The following COL14A1 variants were observed in gnomAD, a reference collection of about 807,000 sequenced individuals.
COL14A1 encodes collagen type XIV alpha 1 chain.
Under a neutral mutation model 230.3 loss-of-function variants are expected in COL14A1, and 136 were observed. That is an observed-to-expected ratio of 0.59 (90% confidence interval 0.51 to 0.68). The LOEUF is 0.68. Among genes scored for constraint, COL14A1 ranks in the 30% least tolerant of loss-of-function variants. The pLI, the probability that COL14A1 is intolerant of heterozygous loss-of-function variation, is 0.00. For synonymous variants in COL14A1, 792 were observed against 784.1 expected, an observed-to-expected ratio of 1.01 and a Z score of -0.17; for missense variants, 1,976 against 2,215.8, an observed-to-expected ratio of 0.89 and a Z score of 2.17.
At chr8:120,326,357 TC>T (rs1821668758) in intron 40 of COL14A1, among the ~76,000 whole-genome samples, 1 of 152,226 alleles carries the variant, frequency 6.6e-6, no homozygotes, top group Non-Finnish European at 1.5e-5. Context: ...TGTTTGACTA[TC>T]CTCAAAACTG....
intron 22 of COL14A1, among the ~76,000 whole-genome samples, chr8:120,252,275 T>C (rs761135290): frequency 1.3e-5 from 2 of 152,196 alleles, no homozygotes. Flanking sequence ...TCTGAGATTT[T>C]AGTGCACCCG....
intron 1 of COL14A1, among the ~76,000 whole-genome samples, chr8:120,141,066 A>G (rs972444358): frequency 2.0e-5 from 3 of 152,212 alleles, no homozygotes; most frequent in Non-Finnish European, 4.4e-5. Context: ...GTTTTAACAA[A>G]TTAGGTTTGA....
At chr8:120,339,863 C>A (rs921278524) in intron 42 of COL14A1, among the ~76,000 whole-genome samples, 4 of 151,920 alleles carry the variant, frequency 2.6e-5, no homozygotes, top group Admixed American at 1.3e-4. Context: ...CATGGTGAAA[C>A]CCCGTCTCTA....
chr8:120,261,418 G>T (rs1185264298), intron 23 of COL14A1, among the ~76,000 whole-genome samples: 1 of 152,154 alleles, frequency 6.6e-6, no homozygotes, highest in Non-Finnish European at 1.5e-5. Context: ...CTCATTAAAT[G>T]TTGGCTATTA....
rs1160106617 is a variant in COL14A1 at position 120,125,265 on chromosome 8, C to G, written c.-113C>G. On this transcript the variant is annotated 5_prime_UTR_variant, in exon 1 of 48. Transcript: ENST00000297848. ...AGCAAGGGCGGTGCGCCGCCAAGGACCAACTAGCGGCGGAGCTTCGATCTT... is the reference window on the plus strand; with the variant it reads ...AGCAAGGGCGGTGCGCCGCCAAGGAGCAACTAGCGGCGGAGCTTCGATCTT... 6.6e-6 allele frequency: 1 copy of G among 152,394 alleles called. No individual in the cohort carries two copies. The highest frequency in any genetic ancestry group is 1.9e-4 in the East Asian group (1 of 5,178). 9.4% of individuals were successfully genotyped at this position (152,394 alleles called of 1,614,324 possible).
chr8:120,280,635 T>G, intron 29 of COL14A1, 76 bp from the exon 30 acceptor site: 1 of 1,357,348 alleles, frequency 7.4e-7, no homozygotes, highest in Non-Finnish European at 1.0e-6. Context: ...ATTAGTTTCC[T>G]GTTCTCAGGA....
At position 120,340,037 on chromosome 8, in the gene COL14A1, CAAA is replaced by C. The variant is rs530829054; in HGVS notation, c.4786-1269_4786-1267del. On this transcript the variant is annotated intron_variant, in intron 42 of 47. Transcript: ENST00000297848. Reference sequence around the variant, plus strand: ...TGGGAGATAGAGGGAGACTGCGTCTCAAAAAAAAAAAAAAAAAAAAAGTGTGTG... The same window carrying C: ...TGGGAGATAGAGGGAGACTGCGTCTCAAAAAAAAAAAAAAAAAAGTGTGTG... Among the ~76,000 whole-genome samples the C allele has an allele frequency of 4.6e-3, 357 of 77,704 alleles. 3 individuals carry two copies. The highest frequency in any genetic ancestry group is 0.016 in the African/African-American group (324 of 20,166). 51.0% of individuals were successfully genotyped at this position (77,704 alleles called of 152,430 possible).
intron 2 of COL14A1, among the ~76,000 whole-genome samples, chr8:120,149,799 A>G (rs984302920): frequency 2.6e-5 from 4 of 151,808 alleles, no homozygotes; most frequent in Middle Eastern, 3.4e-3. Flanking sequence ...CGTTCAAGCA[A>G]TTCTCCTGCC....
intron 8 of COL14A1, among the ~76,000 whole-genome samples, chr8:120,203,180 A>G (rs1817312466): frequency 6.6e-6 from 1 of 151,838 alleles, no homozygotes; most frequent in Admixed American, 6.6e-5. Flanking sequence ...GTTATGATGT[A>G]TTGAGTAAAA....
At chr8:120,349,201 A>G (rs1822653626) in intron 45 of COL14A1, among the ~76,000 whole-genome samples, 1 of 151,718 alleles carries the variant, frequency 6.6e-6, no homozygotes, top group African/African-American at 2.4e-5. Context: ...AAAACTAACA[A>G]ACAGAAAGGA....
At chr8:120,315,366 AT>A in intron 38 of COL14A1, among the ~76,000 whole-genome samples, 166 bp from the exon 39 acceptor site, 1 of 106,258 alleles carries the variant, frequency 9.4e-6, no homozygotes, top group Non-Finnish European at 1.8e-5. Context: ...GCAAGACTCC[AT>A]TTAAAAAAAA....
At chr8:120,316,077 T>C (rs906847191) in intron 40 of COL14A1, 80 bp downstream of exon 40, 2 of 1,430,954 alleles carry the variant, frequency 1.4e-6, no homozygotes, top group East Asian at 4.6e-5. Context: ...CAGGCTTCTA[T>C]GTAAGGGAGT....
chr8:120,333,667 C>T (rs906714758), intron 42 of COL14A1, among the ~76,000 whole-genome samples: 5 of 152,110 alleles, frequency 3.3e-5, no homozygotes, highest in Non-Finnish European at 7.4e-5. Context: ...CTTACAGTTC[C>T]GCAGGTCAGA....
intron 1 of COL14A1, among the ~76,000 whole-genome samples, chr8:120,129,106 C>T (rs1301238668): frequency 6.6e-6 from 1 of 152,184 alleles, no homozygotes; most frequent in African/African-American, 2.4e-5. Context: ...CTGCCATGTG[C>T]TGGCACTGTG....
Position 120,307,006 on chromosome 8 carries a change from G to A in COL14A1, c.4402-3003G>A, listed in dbSNP as rs112406768. ...AGTAGTGTAAACTATGAGGACAATA[G>A]GACATTTATTGTTTGCTCAATAGAA... On this transcript the variant is annotated intron_variant, in intron 36 of 47. Transcript: ENST00000297848. Among the ~76,000 whole-genome samples the A allele has an allele frequency of 3.8e-3, 580 of 152,264 alleles. 3 individuals carry two copies. Among genetic ancestry groups the A allele is most frequent in the African/African-American group, 0.013 (529 of 41,546 alleles).
At chr8:120,174,184 G>T (rs12543951) in intron 5 of COL14A1, among the ~76,000 whole-genome samples, 2 of 151,284 alleles carry the variant, frequency 1.3e-5, no homozygotes, top group Non-Finnish European at 2.9e-5. Flanking sequence ...TCCTTTGTAT[G>T]TTTTCTTTTT....
chr8:120,337,158 A>C (rs1822106653), intron 42 of COL14A1, among the ~76,000 whole-genome samples: 1 of 152,190 alleles, frequency 6.6e-6, no homozygotes, highest in East Asian at 1.9e-4. Context: ...TGGGAGGCCA[A>C]GGCAGGTGAA....
chr8:120,139,452 G>C (rs939508519), intron 1 of COL14A1, among the ~76,000 whole-genome samples: 1 of 152,092 alleles, frequency 6.6e-6, no homozygotes, highest in African/African-American at 2.4e-5. Context: ...AGTCTAAACT[G>C]GTTCACTCTT....
intron 23 of COL14A1, among the ~76,000 whole-genome samples, chr8:120,261,868 T>C (rs1819338200): frequency 6.6e-6 from 1 of 152,128 alleles, no homozygotes; most frequent in African/African-American, 2.4e-5. Flanking sequence ...GGAATGTCTT[T>C]TGCAATTGAA....
Sources: gnomAD v4.1 joint callset for allele counts (sites outside exome capture counted in the v4.1 genomes callset) on GRCh38, gnomAD v4.1.1 for gene constraint, MANE v1.5 for transcripts, NCBI Gene and HGNC (gene_info 2026-07-23, HGNC 2026-07-21) for gene names.